SYNE3: variants seen among roughly 807,000 people sequenced by gnomAD.
SYNE3 encodes nesprin-3.
In SYNE3, 100 loss-of-function variants were observed where a neutral mutation model predicts 111.2. The ratio of observed to expected loss-of-function variants is 0.90; its 90% CI spans 0.77 to 1.06. SYNE3 has a LOEUF of 1.06. SYNE3 is among the 50% of genes least tolerant of loss of function. The pLI is 0.00. For missense variants in SYNE3, 1,160 were observed against 1,240.3 expected (o/e 0.94, Z 0.97); for synonymous variants, 547 against 533.9 (o/e 1.02, Z -0.34).
At chr14:95,427,851 C>G (rs1354956003) in intron 17 of SYNE3, among the ~76,000 whole-genome samples, 3 of 152,192 alleles carry the variant, frequency 2.0e-5, no homozygotes. Context: ...TCTCTCGTCT[C>G]CGCATATGGG....
At chr14:95,479,421 G>A (rs896611275) in intron 1 of SYNE3, among the ~76,000 whole-genome samples, 3 of 152,050 alleles carry the variant, frequency 2.0e-5, no homozygotes, top group Non-Finnish European at 4.4e-5. Flanking sequence ...CACCATGCTT[G>A]GAAATAGTTC....
chr14:95,439,796 A>T lies in SYNE3; in HGVS notation c.2074-12T>A. ...TCTGCCACCAGCCTCTAAAGGACAC[A>T]CGGACACACAGACACACACACGGTG... On this transcript the variant is annotated splice_polypyrimidine_tract_variant and intron_variant, in intron 12 of 17. Transcript: ENST00000682763. 1 of 1,607,508 alleles carries T rather than the reference A, an allele frequency of 6.2e-7. No individual in the cohort carries two copies. The highest frequency in any genetic ancestry group is 8.5e-7 in the Non-Finnish European group (1 of 1,176,392).
At chr14:95,503,901 G>C (rs1057409990) in intron 1 of SYNE3, among the ~76,000 whole-genome samples, 2 of 152,122 alleles carry the variant, frequency 1.3e-5, no homozygotes, top group African/African-American at 4.8e-5. Context: ...TTCCAGGTGT[G>C]AGCCACTGTG....
rs1023549035 is a variant in SYNE3, at chr14:95,409,651, C to T, written c.*8175G>A. ...TCCTGCTGAACCATTTGCTTTTAGACCACGAGCCTGTGTTTTAATGTTCTT... is the reference window on the plus strand; with the variant it reads ...TCCTGCTGAACCATTTGCTTTTAGATCACGAGCCTGTGTTTTAATGTTCTT... On this transcript the variant is annotated 3_prime_UTR_variant, in exon 18 of 18. Coordinates refer to ENST00000682763, the MANE Select transcript of SYNE3 (RefSeq NM_152592.6). 1 of 332,216 alleles carries T rather than the reference C, an allele frequency of 3.0e-6. No individual in the cohort carries two copies. Among genetic ancestry groups the T allele is most frequent in the Admixed American group, 4.3e-5 (1 of 23,338 alleles). The allele number at this position is 332,216 out of a possible 1,614,324, so 20.6% of individuals were successfully genotyped here.
chr14:95,444,755 C>T, intron 9 of SYNE3, 127 bp from the exon 10 acceptor site: 6 of 1,207,116 alleles, frequency 5.0e-6, no homozygotes, highest in Non-Finnish European at 6.7e-6. Flanking sequence ...GCGCCACCCC[C>T]TCCAGGAAGC....
In SYNE3 at chr14:95,470,098, G is replaced by A. The variant is rs529218210; in HGVS notation, c.145-2131C>T. ...GCAGGATGTGGCAGGGGCCCAGGGGGTGGTGGCCACAGCAAGTACCCACAC... is the reference window on the plus strand; with the variant it reads ...GCAGGATGTGGCAGGGGCCCAGGGGATGGTGGCCACAGCAAGTACCCACAC... On this transcript the variant is annotated intron_variant, in intron 2 of 17. Coordinates refer to ENST00000682763, the MANE Select transcript of SYNE3 (RefSeq NM_152592.6). The surrounding 1 kb of genome is among the most constrained non-coding windows in gnomAD (Gnocchi z 4.2). Among the ~76,000 whole-genome samples the A allele has an allele frequency of 6.6e-6, 1 of 152,060 alleles. No individual in the cohort carries two copies. Among genetic ancestry groups the A allele is most frequent in the Admixed American group, 6.6e-5 (1 of 15,262 alleles).
At chr14:95,476,078 T>G (rs1888871554) in intron 1 of SYNE3, among the ~76,000 whole-genome samples, 1 of 152,258 alleles carries the variant, frequency 6.6e-6, no homozygotes, top group Admixed American at 6.5e-5. Context: ...GCTTTGTCTT[T>G]GGCCTCTCAG....
intron 11 of SYNE3, among the ~76,000 whole-genome samples, chr14:95,442,077 TAACA>T (rs1343081206): frequency 6.6e-6 from 1 of 152,248 alleles, no homozygotes; most frequent in Non-Finnish European, 1.5e-5. Flanking sequence ...TTTGCAGTTT[TAACA>T]AACATACTGA....
chr14:95,504,378 G>T lies in SYNE3; in HGVS notation c.-15+12218C>A, dbSNP rs138785934. Among the ~76,000 whole-genome samples the T allele has an allele frequency of 6.6e-3, 1,001 of 152,264 alleles. 8 individuals are homozygous for T. The highest frequency in any genetic ancestry group is 0.014 in the South Asian group (68 of 4,818). On this transcript the variant is annotated intron_variant, in intron 1 of 17. Transcript: ENST00000682763. ...GCCTATCAGCACAGCATTCCTCCTG[G>T]TCCATTATCCTAGAAAATTCTATAC...
At position 95,408,674 on chromosome 14, in the gene SYNE3, C is replaced by T. The variant is rs571695554; in HGVS notation, c.*9152G>A. 4.0e-4 allele frequency: 86 copies of T among 217,122 alleles called. No individual in the cohort carries two copies. Among genetic ancestry groups the T allele is most frequent in the Non-Finnish European group, 6.9e-4 (74 of 106,906 alleles). The allele number at this position is 217,122 out of a possible 1,614,324, so 13.4% of individuals were successfully genotyped here. On this transcript the variant is annotated 3_prime_UTR_variant, in exon 18 of 18. Transcript: ENST00000682763. ...GAGATGTGTGTAGTACTCACACATG[C>T]TATGCTCACATACGCGTGCATCCCT...
intron 4 of SYNE3, among the ~76,000 whole-genome samples, chr14:95,463,654 G>C (rs61729697): frequency 0.014 from 2,173 of 152,338 alleles, 65 homozygotes; most frequent in African/African-American, 0.049. Context: ...GGCAGGGCTG[G>C]ATGAGGGCCA....
chr14:95,499,078 C>T (rs1890218949), intron 1 of SYNE3, among the ~76,000 whole-genome samples: 1 of 152,190 alleles, frequency 6.6e-6, no homozygotes, highest in African/African-American at 2.4e-5. Context: ...TCACTGAACC[C>T]TTAAGGAGAT....
intron 17 of SYNE3, among the ~76,000 whole-genome samples, chr14:95,421,664 G>A (rs1595171285): frequency 1.3e-5 from 2 of 152,226 alleles, no homozygotes; most frequent in Admixed American, 1.3e-4. Context: ...GCTGATGGGT[G>A]TGGGGCAGAG....
chr14:95,506,622 A>C (rs548088244), intron 1 of SYNE3, among the ~76,000 whole-genome samples: 1 of 152,366 alleles, frequency 6.6e-6, no homozygotes, highest in African/African-American at 2.4e-5. Context: ...AGTGACCTGC[A>C]TAAATGGCAA....
At chr14:95,434,845 C>T (rs7159208) in intron 15 of SYNE3, among the ~76,000 whole-genome samples, 15 of 152,068 alleles carry the variant, frequency 9.9e-5, no homozygotes, top group African/African-American at 2.9e-4. Context: ...TCAGTAGAAA[C>T]GTGGTTTCTC....
At chr14:95,461,627 C>G (rs1231425733) in intron 4 of SYNE3, among the ~76,000 whole-genome samples, 1 of 152,148 alleles carries the variant, frequency 6.6e-6, no homozygotes, top group Non-Finnish European at 1.5e-5. Context: ...GGAGCAGTGG[C>G]CTGTTCTAGC....
intron 1 of SYNE3, among the ~76,000 whole-genome samples, chr14:95,489,966 A>G (rs920152451): frequency 1.3e-5 from 2 of 152,186 alleles, no homozygotes; most frequent in Non-Finnish European, 2.9e-5. Flanking sequence ...GTTAGGAGTC[A>G]TGGTTCCAGC....
intron 6 of SYNE3, 22 bp downstream of exon 6, chr14:95,455,355 T>G: frequency 6.6e-7 from 1 of 1,509,974 alleles, no homozygotes; most frequent in Non-Finnish European, 8.8e-7. Context: ...CTGGGCTCCA[T>G]GACTCGGCCA....
intron 4 of SYNE3, among the ~76,000 whole-genome samples, chr14:95,462,449 C>T (rs981196532): frequency 8.5e-5 from 13 of 152,224 alleles, no homozygotes; most frequent in African/African-American, 2.9e-4. Flanking sequence ...CAAACAACAG[C>T]GCCCCATTTC....
Sources: allele counts gnomAD v4.1 joint callset (sites outside exome capture counted in the v4.1 genomes callset), GRCh38; gene constraint gnomAD v4.1.1; non-coding constraint Gnocchi (gnomAD v3.1); transcripts MANE v1.5; gene names NCBI Gene and HGNC (gene_info 2026-07-23, HGNC 2026-07-21).